The following CCNB3 variants were observed in gnomAD, a reference collection of about 807,000 sequenced individuals.
CCNB3 encodes cyclin B3.
A neutral mutation model predicts 68.0 loss-of-function variants in CCNB3; 12 were observed. The ratio of observed to expected loss-of-function variants is 0.18; its 90% confidence interval spans 0.11 to 0.29. The LOEUF is 0.29. Ranked by LOEUF, CCNB3 falls within the 10% of genes least tolerant of loss-of-function variation. CCNB3 has a pLI of 1.00. For synonymous variants in CCNB3, 354 were observed against 388.9 expected (o/e 0.91, Z 1.06); for missense variants, 904 against 993.1 (o/e 0.91, Z 1.21).
At chrX:50,336,997 T>TTTC (rs1557218951) in intron 8 of CCNB3, among the ~76,000 whole-genome samples, 1 of 111,436 alleles carries the variant, frequency 9.0e-6, no homozygotes, top group African/African-American at 3.3e-5. Flanking sequence ...CGGTGTAAGT[T>TTTC]GGAGTATTAT....
At chrX:50,228,652 A>C (rs1267280359) in intron 1 of CCNB3, among the ~76,000 whole-genome samples, 2,470 of 81,841 alleles carry the variant, frequency 0.03, 123 homozygotes, top group African/African-American at 0.11. Flanking sequence ...ATATATATAG[A>C]ATATATAGAA....
intron 8 of CCNB3, among the ~76,000 whole-genome samples, chrX:50,320,376 C>T (rs937140436): frequency 3.6e-5 from 4 of 110,347 alleles, no homozygotes; most frequent in Non-Finnish European, 7.6e-5. Flanking sequence ...AGGAGTTGGT[C>T]CCTTCCGTCT....
At chrX:50,203,532 G>A (rs1255853411), upstream of CCNB3, among the ~76,000 whole-genome samples, 1 of 112,376 alleles carries the variant, frequency 8.9e-6, no homozygotes, top group African/African-American at 3.2e-5. Context: ...TTCCTGCCAT[G>A]AGAGTACACA....
intron 1 of CCNB3, among the ~76,000 whole-genome samples, chrX:50,225,593 T>C (rs1463640309): frequency 9.1e-6 from 1 of 110,483 alleles, no homozygotes; most frequent in Admixed American, 9.8e-5. Flanking sequence ...GTGAGCCAAA[T>C]AAGAGCCTAG....
chrX:50,280,524 C>T (rs1261739119), intron 1 of CCNB3, among the ~76,000 whole-genome samples: 1 of 108,840 alleles, frequency 9.2e-6, no homozygotes, highest in Non-Finnish European at 1.9e-5. Flanking sequence ...GTAGGTAGCA[C>T]GTTTTGAATT....
chrX:50,319,909 T>C (rs1921928609), intron 8 of CCNB3, among the ~76,000 whole-genome samples: 1 of 111,805 alleles, frequency 8.9e-6, no homozygotes, highest in Non-Finnish European at 1.9e-5. Flanking sequence ...GTTAAATCAA[T>C]TGATCTTCAA....
intron 1 of CCNB3, among the ~76,000 whole-genome samples, chrX:50,208,754 C>T (rs193114734): frequency 9.0e-6 from 1 of 111,628 alleles, no homozygotes; most frequent in Non-Finnish European, 1.9e-5. Context: ...TAAAAGTGTT[C>T]TCATATAATA....
chrX:50,317,444 T>A (rs2147071024), intron 8 of CCNB3, among the ~76,000 whole-genome samples: 1 of 111,429 alleles, frequency 9.0e-6, no homozygotes, highest in Non-Finnish European at 1.9e-5. Flanking sequence ...AATGCCTTCT[T>A]TATGGATTAT....
chrX:50,315,387 T>A (rs1921666081), intron 8 of CCNB3, among the ~76,000 whole-genome samples: 1 of 112,174 alleles, frequency 8.9e-6, no homozygotes, highest in Non-Finnish European at 1.9e-5. Flanking sequence ...ATAACAATAA[T>A]GACTTTTTGG....
chrX:50,329,266 A>G (rs1240294409), intron 8 of CCNB3, among the ~76,000 whole-genome samples: 1 of 111,942 alleles, frequency 8.9e-6, no homozygotes, highest in Non-Finnish European at 1.9e-5. Flanking sequence ...GTTCAACCCC[A>G]TATTTCCCTT....
intron 7 of CCNB3, 142 bp downstream of exon 7, chrX:50,312,774 G>A: frequency 2.2e-6 from 1 of 449,549 alleles, no homozygotes; most frequent in East Asian, 3.7e-5. Context: ...GTAGCTTACT[G>A]TGAGTTGGAC....
At chrX:50,340,063 G>T (rs1923045887) in intron 8 of CCNB3, among the ~76,000 whole-genome samples, 2 of 111,951 alleles carry the variant, frequency 1.8e-5, no homozygotes, top group South Asian at 3.7e-4. Context: ...CTGTTTCTTG[G>T]TATTTCTGTT....
chrX:50,295,523 C>T (rs1936437996), intron 5 of CCNB3, among the ~76,000 whole-genome samples: 1 of 111,514 alleles, frequency 9.0e-6, no homozygotes, highest in Admixed American at 9.6e-5. Context: ...AATAATTTAC[C>T]TCTAGGAAGA....
At chrX:50,319,790 A>G (rs1921921392) in intron 8 of CCNB3, among the ~76,000 whole-genome samples, 1 of 111,665 alleles carries the variant, frequency 9.0e-6, no homozygotes, top group Non-Finnish European at 1.9e-5. Context: ...TTCTATTTCT[A>G]GTTTAATCCT....
At chrX:50,226,230 T>C (rs1448402937) in intron 1 of CCNB3, among the ~76,000 whole-genome samples, 12 of 68,706 alleles carry the variant, frequency 1.7e-4, no homozygotes, top group African/African-American at 6.8e-4. Flanking sequence ...ATAGAATATA[T>C]ATATTTATAT....
chrX:50,225,970 C>G (rs1239162910), intron 1 of CCNB3, among the ~76,000 whole-genome samples: 1 of 86,067 alleles, frequency 1.2e-5, no homozygotes, highest in Non-Finnish European at 2.3e-5. Flanking sequence ...ACAAGAGGAC[C>G]TGGGATCATA....
chrX:50,303,644 A>G (rs1366736973), intron 5 of CCNB3, among the ~76,000 whole-genome samples: 2 of 110,238 alleles, frequency 1.8e-5, no homozygotes, highest in East Asian at 2.8e-4. Flanking sequence ...TTAATTTTTT[A>G]ATTTTATTTT....
At chrX:50,215,280 CGCCTGGCCCTGTT>C (rs1419947769) in intron 1 of CCNB3, among the ~76,000 whole-genome samples, 4 of 111,510 alleles carry the variant, frequency 3.6e-5, no homozygotes, top group Non-Finnish European at 7.5e-5. Context: ...TGAGCCACCA[CGCCTGGCCCTGTT>C]GTTCTGTTAT....
At chrX:50,348,618 C>A (rs1923521944) in intron 11 of CCNB3, among the ~76,000 whole-genome samples, 1 of 112,497 alleles carries the variant, frequency 8.9e-6, no homozygotes, top group Non-Finnish European at 1.9e-5. Context: ...AAATAATAAT[C>A]ATGACTGGCA....
Sources: allele counts gnomAD v4.1 joint callset (sites outside exome capture counted in the v4.1 genomes callset), GRCh38; gene constraint gnomAD v4.1.1; transcripts MANE v1.5; gene names NCBI Gene and HGNC (gene_info 2026-07-23, HGNC 2026-07-21).